TRAPPC3: variants seen among roughly 807,000 people sequenced by gnomAD.
TRAPPC3 encodes the protein trafficking protein particle complex 3.
A neutral mutation model predicts 18.2 loss-of-function variants in TRAPPC3; 5 were observed. The ratio of observed to expected loss-of-function variants is 0.28; its 90% CI spans 0.14 to 0.58. The LOEUF is 0.58. TRAPPC3 is among the 20% of genes least tolerant of loss of function. The pLI, the probability that TRAPPC3 is intolerant of heterozygous loss-of-function variation, is 0.91. For missense variants in TRAPPC3, 176 were observed against 225.9 expected (o/e 0.78, Z 1.41); for synonymous variants, 65 against 84.2 (o/e 0.77, Z 1.25).
intron 1 of TRAPPC3, among the ~76,000 whole-genome samples, chr1:36,155,051 G>T (rs909045180): frequency 1.2e-4 from 19 of 152,184 alleles, no homozygotes; most frequent in African/African-American, 3.4e-4. Flanking sequence ...TTAAAGGAAG[G>T]AGAAACTGGA....
At chr1:36,147,550 G>A (rs538728547) in intron 1 of TRAPPC3, among the ~76,000 whole-genome samples, 6 of 152,120 alleles carry the variant, frequency 3.9e-5, no homozygotes, top group African/African-American at 1.2e-4. Context: ...AGGCTGAGGC[G>A]GGAGGACTGC....
upstream of TRAPPC3, among the ~76,000 whole-genome samples, chr1:36,153,923 T>C (rs1384800439): frequency 6.6e-6 from 1 of 152,198 alleles, no homozygotes; most frequent in Non-Finnish European, 1.5e-5. Flanking sequence ...GGCATTCAAG[T>C]CCTCCTACGT....
At chr1:36,154,058 G>C (rs929190431), upstream of TRAPPC3, among the ~76,000 whole-genome samples, 3 of 152,172 alleles carry the variant, frequency 2.0e-5, no homozygotes, top group Non-Finnish European at 4.4e-5. Context: ...AGGCTGAAGT[G>C]CAGTGGCATG....
chr1:36,143,961 T>C (rs1644154045), intron 1 of TRAPPC3, among the ~76,000 whole-genome samples: 2 of 152,298 alleles, frequency 1.3e-5, no homozygotes, highest in East Asian at 1.9e-4. Context: ...AATACATACT[T>C]ATTTTTATTC....
chr1:36,140,197 A>G lies in TRAPPC3; in HGVS notation c.43-31T>C, dbSNP rs369075133. ...AGAGATTCAAAAGGCAGTCAGGACC[A>G]AGCAGCACAAAAGAGAAAGCGTGGT... On this transcript the variant is annotated intron_variant, in intron 1 of 4. Transcript: ENST00000373166. 182 of 1,442,110 alleles carry G rather than the reference A, an allele frequency of 1.3e-4. 1 individual carries two copies. In the Middle Eastern group the frequency reaches 3.6e-3, roughly 28 times the overall value. 89.3% of individuals were successfully genotyped at this position (1,442,110 alleles called of 1,614,324 possible).
chr1:36,138,566 T>A (rs1052364154), intron 3 of TRAPPC3, among the ~76,000 whole-genome samples: 3 of 152,226 alleles, frequency 2.0e-5, no homozygotes, highest in Admixed American at 2.0e-4. Context: ...ATGGGTGCTA[T>A]GTCATTTATT....
In TRAPPC3 at chr1:36,139,935, G is replaced by A. The variant is rs1266399815; in HGVS notation, c.141-116C>T. 3.3e-6 allele frequency: 5 copies of A among 1,501,894 alleles called. No individual in the cohort carries two copies. In the African/African-American group the frequency reaches 7.0e-5, roughly 21 times the overall value. 93.0% of individuals were successfully genotyped at this position (1,501,894 alleles called of 1,614,324 possible). A position where few individuals can be genotyped will look rare whatever the true frequency, so the allele number is the denominator to read the frequency against. ...TAATCTCAAAAACATCCCAGTAAAT[G>A]AGTTTAGTGAGAAATGTACCCAAAA... On this transcript the variant is annotated intron_variant, in intron 2 of 4. Transcript: ENST00000373166.
chr1:36,149,671 AGCTTGCGCTGGGCAGCATC>A (rs1644253706), upstream of TRAPPC3, among the ~76,000 whole-genome samples: 1 of 152,258 alleles, frequency 6.6e-6, no homozygotes, highest in African/African-American at 2.4e-5. Context: ...GGTAGAGCCC[AGCTTGCGCTGGGCAGCATC>A]CTGGCCGCTG....
In TRAPPC3 at chr1:36,137,300, T is replaced by C. The variant is rs1557756099; in HGVS notation, c.446A>G (p.Lys149Arg). ...TCCTTTCAGGGTGTCCTGGACAAAC[T>C]TGGCCTCCACAGCCATCTGGACCTG... ...LEMVQMAVEA[K>R]FVQDTLKGDG... The change falls in exon 5 of 5, where the codon AAG (lysine) becomes AGG (arginine). Residue 149 changes from lysine (K) to arginine (R), a missense_variant. By Grantham distance (26) the Lys-to-Arg change is conservative (BLOSUM62 2). This residue lies in a region of TRAPPC3 where 29 missense variants were observed against 61.5 expected (regional missense o/e 0.47). Coordinates refer to ENST00000373166, the MANE Select transcript of TRAPPC3 (RefSeq NM_014408.5). 3.7e-6 allele frequency: 6 copies of C among 1,612,328 alleles called. No individual in the cohort carries two copies. The highest frequency in any genetic ancestry group is 1.1e-5 in the South Asian group (1 of 91,038).
In TRAPPC3 at chr1:36,137,950, G is replaced by A; in HGVS notation, c.269C>T (p.Thr90Ile). 6.2e-7 allele frequency: 1 copy of A among 1,614,140 alleles called. No homozygotes were observed. The highest frequency in any genetic ancestry group is 8.5e-7 in the Non-Finnish European group (1 of 1,180,006). ...KVAFKMYLGI[T>I]PSITNWSPAG... Reference sequence around the variant, plus strand: ...TGGGCTCCAATTAGTAATGCTTGGAGTGATGCCCAAGTACATCTTGAACGC... The same window carrying A: ...TGGGCTCCAATTAGTAATGCTTGGAATGATGCCCAAGTACATCTTGAACGC... The change falls in exon 4 of 5, where the codon ACT (threonine) becomes ATT (isoleucine). Residue 90 changes from threonine to isoleucine, a missense_variant. Coordinates refer to ENST00000373166, the MANE Select transcript of TRAPPC3 (RefSeq NM_014408.5).
At chr1:36,138,788 T>C (rs1422694741) in intron 3 of TRAPPC3, among the ~76,000 whole-genome samples, 1 of 152,034 alleles carries the variant, frequency 6.6e-6, no homozygotes, top group Admixed American at 6.6e-5. Flanking sequence ...CCCAGCACTT[T>C]GGGAGGCCGA....
rs1644082792 is a variant in TRAPPC3 at position 36,139,926 on chromosome 1, C to T, written c.141-107G>A. The T allele has an allele frequency of 2.0e-6, 3 of 1,521,762 alleles. No individual in the cohort carries two copies. In the African/African-American group the frequency reaches 4.2e-5, roughly 21 times the overall value. 94.3% of individuals were successfully genotyped at this position (1,521,762 alleles called of 1,614,324 possible). A position where few individuals can be genotyped will look rare whatever the true frequency, so the allele number is the denominator to read the frequency against. On this transcript the variant is annotated intron_variant, in intron 2 of 4. Coordinates refer to ENST00000373166, the MANE Select transcript of TRAPPC3 (RefSeq NM_014408.5). ...AAATGGGGATAATCTCAAAAACATC[C>T]CAGTAAATGAGTTTAGTGAGAAATG...
chr1:36,150,514 G>A (rs1644260377), upstream of TRAPPC3, among the ~76,000 whole-genome samples: 1 of 152,176 alleles, frequency 6.6e-6, no homozygotes, highest in Non-Finnish European at 1.5e-5. Context: ...TAGCCTGACT[G>A]TAGCAGCTGC....
At chr1:36,138,280 C>A in intron 3 of TRAPPC3, 1 of 1,534,636 alleles carries the variant, frequency 6.5e-7, no homozygotes, top group Non-Finnish European at 8.7e-7. Flanking sequence ...TGTGCTTGTA[C>A]TTCTCAGTGG....
upstream of TRAPPC3, among the ~76,000 whole-genome samples, chr1:36,150,209 A>C (rs1427034580): frequency 6.6e-6 from 1 of 152,196 alleles, no homozygotes; most frequent in East Asian, 1.9e-4. Context: ...CAAGTTGCTA[A>C]ATCTCTCTCA....
chr1:36,140,087 T>G lies in TRAPPC3; in HGVS notation c.122A>C (p.Asn41Thr), dbSNP rs1475342199. Residue 41 changes from asparagine (N) to threonine (T), a missense_variant, in exon 2 of 5, where the codon AAT becomes ACT. This residue lies in a region of TRAPPC3 where 147 missense variants were observed against 164.3 expected (regional missense o/e 0.89). Coordinates refer to ENST00000373166, the MANE Select transcript of TRAPPC3 (RefSeq NM_014408.5). ...CACTCACATTTTGTCCAGCTGTTTA[T>G]TCACATCTTCATCATTTTCATAGTC... ...CKDYENDEDV[N>T]KQLDKMGFNI... The G allele has an allele frequency of 6.2e-7, 1 of 1,601,626 alleles. No individual in the cohort carries two copies. The highest frequency in any genetic ancestry group is 8.5e-7 in the Non-Finnish European group (1 of 1,176,198).
At chr1:36,149,193 C>T (rs1644245286) in intron 1 of TRAPPC3, 144 bp downstream of exon 1, 1 of 1,508,620 alleles carries the variant, frequency 6.6e-7, no homozygotes, top group Non-Finnish European at 8.9e-7. Flanking sequence ...CTGGAACGCC[C>T]CCGGAGTGAC....
chr1:36,141,707 C>T (rs1175232017), intron 1 of TRAPPC3, among the ~76,000 whole-genome samples: 1 of 151,708 alleles, frequency 6.6e-6, no homozygotes, highest in African/African-American at 2.4e-5. Flanking sequence ...CGCCTGTAAT[C>T]CCAGCACTTT....
chr1:36,144,422 C>T (rs1280740375), intron 1 of TRAPPC3, among the ~76,000 whole-genome samples: 5 of 151,184 alleles, frequency 3.3e-5, no homozygotes, highest in African/African-American at 4.9e-5. Flanking sequence ...AGGCAGGGGT[C>T]GGAAGTGGTC....
Sources: gnomAD v4.1 joint callset for allele counts (sites outside exome capture counted in the v4.1 genomes callset) on GRCh38, gnomAD v4.1.1 for gene constraint, gnomAD v4.1.1 regional missense constraint, MANE v1.5 for transcripts, NCBI Gene and HGNC (gene_info 2026-07-23, HGNC 2026-07-21) for gene names.